The following ACOX3 variants were observed in gnomAD, a reference collection of about 807,000 sequenced individuals.
ACOX3 encodes acyl-CoA oxidase 3, pristanoyl, also known as peroxisomal acyl-coenzyme A oxidase 3.
Under a neutral mutation model 81.5 loss-of-function variants are expected in ACOX3, and 73 were observed. The observed-to-expected ratio is 0.90, with a 90% CI of 0.74 to 1.09. ACOX3 has a LOEUF of 1.09. Ranked by LOEUF, ACOX3 falls within the 50% of genes least tolerant of loss-of-function variation. The pLI is 0.00. For missense variants in ACOX3, 947 were observed against 928.0 expected, an observed-to-expected ratio of 1.02 and a Z score of -0.27; for synonymous variants, 387 against 375.1, an observed-to-expected ratio of 1.03 and a Z score of -0.37.
At chr4:8,397,279 G>A (rs1209805224) in intron 8 of ACOX3, among the ~76,000 whole-genome samples, 160 bp from the exon 9 acceptor site, 1 of 152,208 alleles carries the variant, frequency 6.6e-6, no homozygotes, top group African/African-American at 2.4e-5. Flanking sequence ...AGGACGGTGC[G>A]GCAGGCGGGT....
Position 8,386,429 on chromosome 4 carries a change from G to A in ACOX3, c.1537+2744C>T, listed in dbSNP as rs758341297. Among the ~76,000 whole-genome samples the A allele has an allele frequency of 6.6e-6, 1 of 152,032 alleles. No homozygotes were observed. Among genetic ancestry groups the A allele is most frequent in the Admixed American group, 6.6e-5 (1 of 15,260 alleles). On this transcript the variant is annotated intron_variant, in intron 13 of 17. Coordinates refer to ENST00000356406, the MANE Select transcript of ACOX3 (RefSeq NM_003501.3). This position sits in a 1 kb window ranked among gnomAD's most constrained non-coding sequence, Gnocchi z 5.2. ...AAAATACAAAAAATTAGCCGGGTGTGGTTGTGGGCTCCTGTAGTCCCAGCT... is the reference window on the plus strand; with the variant it reads ...AAAATACAAAAAATTAGCCGGGTGTAGTTGTGGGCTCCTGTAGTCCCAGCT...
intron 7 of ACOX3, among the ~76,000 whole-genome samples, chr4:8,403,598 G>C (rs548926736): frequency 6.6e-6 from 1 of 152,336 alleles, no homozygotes; most frequent in Non-Finnish European, 1.5e-5. Flanking sequence ...CAGCGTCAAA[G>C]GGCGGTCGTT....
Position 8,392,598 on chromosome 4 carries a change from G to A in ACOX3, c.1180-145C>T, listed in dbSNP as rs1040324774. The A allele has an allele frequency of 3.2e-6, 3 of 945,416 alleles. No homozygotes were observed. In the African/African-American group the frequency reaches 5.0e-5, roughly 16 times the overall value. 58.6% of individuals were successfully genotyped at this position (945,416 alleles called of 1,614,324 possible). A position where few individuals can be genotyped will look rare whatever the true frequency, so the allele number is the denominator to read the frequency against. On this transcript the variant is annotated intron_variant, in intron 10 of 17. Transcript: ENST00000356406. ...AAATGACAGAAGAGGAAACCTAATT[G>A]TAATTAGAAATAAAAAAGGGTCTTT...
the ACOX3 span, among the ~76,000 whole-genome samples, chr4:8,358,887 T>A: frequency 6.6e-6 from 1 of 152,206 alleles, no homozygotes; most frequent in Non-Finnish European, 1.5e-5. Flanking sequence ...GCCCTTTTTT[T>A]ATTCCTTTAC....
Position 8,414,798 on chromosome 4 carries a change from C to T in ACOX3, c.453+56G>A. ...TACAATCTTCTCTTTTCACAAATCT[C>T]TACAGAGATCAAGCAAGAGAACCAG... is the stretch of plus-strand genomic sequence containing the variant. On this transcript the variant is annotated intron_variant, in intron 4 of 17. Coordinates refer to ENST00000356406, the MANE Select transcript of ACOX3 (RefSeq NM_003501.3). The surrounding 1 kb of genome is among the most constrained non-coding windows in gnomAD (Gnocchi z 6.1). 2.6e-6 allele frequency: 4 copies of T among 1,551,184 alleles called. No individual in the cohort carries two copies. Among genetic ancestry groups the T allele is most frequent in the Non-Finnish European group, 3.6e-6 (4 of 1,122,774 alleles).
At position 8,416,032 on chromosome 4, in the gene ACOX3, G is replaced by A; in HGVS notation, c.145-33C>T. On this transcript the variant is annotated intron_variant, in intron 2 of 17. Coordinates refer to ENST00000356406, the MANE Select transcript of ACOX3 (RefSeq NM_003501.3). This position sits in a 1 kb window ranked among gnomAD's most constrained non-coding sequence, Gnocchi z 4.2. ...TGCAGGAGATGGGTAAGGCTTATTT[G>A]GAGTAAAAGATGGACTCTCCATGTG... The A allele has an allele frequency of 5.6e-6, 9 of 1,595,856 alleles. No individual in the cohort carries two copies. The highest frequency in any genetic ancestry group is 7.7e-6 in the Non-Finnish European group (9 of 1,164,254).
chr4:8,391,092 T>C (rs1718946258), intron 11 of ACOX3, among the ~76,000 whole-genome samples: 1 of 147,632 alleles, frequency 6.8e-6, no homozygotes. Flanking sequence ...CTTGATTCCA[T>C]CATCTTTGTT....
chr4:8,424,675 G>C (rs1330189780), intron 1 of ACOX3, among the ~76,000 whole-genome samples: 1 of 152,246 alleles, frequency 6.6e-6, no homozygotes, highest in Non-Finnish European at 1.5e-5. Flanking sequence ...TGAAGGGCCA[G>C]TGCTGCGACT....
At chr4:8,410,390 G>C in intron 5 of ACOX3, 35 bp from the exon 6 acceptor site, 2 of 1,606,262 alleles carry the variant, frequency 1.2e-6, no homozygotes, top group Non-Finnish European at 1.7e-6. Flanking sequence ...GTTATAATTA[G>C]CAACTAAAGC....
chr4:8,367,058 G>A lies in ACOX3; in HGVS notation c.2006C>T (p.Ala669Val). The A allele has an allele frequency of 6.2e-7, 1 of 1,614,054 alleles. No individual in the cohort carries two copies. Among genetic ancestry groups the A allele is most frequent in the Non-Finnish European group, 8.5e-7 (1 of 1,179,974 alleles). The stretch of plus-strand genomic sequence containing the variant: ...CAACACCTTGCTTTCCTGCAGGACA[G>A]CGCCCCAGAGGTTTTTGTAGAGCTG... ...DGELYKNLWG[A>V]VLQESKVLER... Residue 669 changes from alanine (A) to valine (V), a missense_variant, in exon 18 of 18, where the codon GCT becomes GTT. Ala to Val is a moderately conservative substitution (Grantham distance 64). Transcript: ENST00000356406.
At chr4:8,433,635 T>G (rs1016669126) in intron 1 of ACOX3, among the ~76,000 whole-genome samples, 3 of 152,252 alleles carry the variant, frequency 2.0e-5, no homozygotes, top group African/African-American at 7.2e-5. Context: ...TCATTTGCCT[T>G]TTACTTAATT....
At chr4:8,397,353 G>C (rs1205691973) in intron 8 of ACOX3, among the ~76,000 whole-genome samples, 6 of 152,230 alleles carry the variant, frequency 3.9e-5, no homozygotes. Context: ...CCAGCTGCCT[G>C]GAGAAGGTAC....
At chr4:8,395,413 TG>T (rs1016705121) in intron 9 of ACOX3, among the ~76,000 whole-genome samples, 1 of 24,250 alleles carries the variant, frequency 4.1e-5, no homozygotes, top group African/African-American at 1.7e-4. Context: ...CATGGATGGG[TG>T]GGTGGGTGGC....
In ACOX3 at chr4:8,370,854, A is replaced by T; in HGVS notation, c.1983+54T>A. The T allele has an allele frequency of 6.6e-7, 1 of 1,518,396 alleles. No individual in the cohort carries two copies. Among genetic ancestry groups the T allele is most frequent in the South Asian group, 1.1e-5 (1 of 89,146 alleles). The allele number at this position is 1,518,396 out of a possible 1,614,324, so 94.1% of individuals were successfully genotyped here. On this transcript the variant is annotated intron_variant, in intron 17 of 17. Coordinates refer to ENST00000356406, the MANE Select transcript of ACOX3 (RefSeq NM_003501.3). The surrounding 1 kb of genome is among the most constrained non-coding windows in gnomAD (Gnocchi z 6.3). ...ACCCACAGGAGCATCTCAGCTCCGC[A>T]GAAATGCCCATCAACCCTTGGGGCA...
rs975261453 is a variant in ACOX3, at chr4:8,389,048, C to T, written c.1537+125G>A. Reference sequence around the variant, plus strand: ...AGCCCAGGACAAGCTGCATGCGGGGCCTCCCACCACCACTGCTGCCCCGGC... The same window carrying T: ...AGCCCAGGACAAGCTGCATGCGGGGTCTCCCACCACCACTGCTGCCCCGGC... On this transcript the variant is annotated intron_variant, in intron 13 of 17. Coordinates refer to ENST00000356406, the MANE Select transcript of ACOX3 (RefSeq NM_003501.3). This position sits in a 1 kb window ranked among gnomAD's most constrained non-coding sequence, Gnocchi z 5.3. The T allele has an allele frequency of 5.6e-6, 4 of 714,562 alleles. No individual in the cohort carries two copies. The highest frequency in any genetic ancestry group is 5.4e-5 in the East Asian group (2 of 36,800). 44.3% of individuals were successfully genotyped at this position (714,562 alleles called of 1,614,324 possible).
intron 15 of ACOX3, 70 bp from the exon 16 acceptor site, chr4:8,373,698 T>A: frequency 6.9e-7 from 1 of 1,457,206 alleles, no homozygotes; most frequent in East Asian, 2.4e-5. Context: ...CAACATGCCC[T>A]GAGTGCACTT....
intron 8 of ACOX3, among the ~76,000 whole-genome samples, chr4:8,397,465 C>G (rs749783154): frequency 3.3e-5 from 5 of 152,212 alleles, no homozygotes; most frequent in Non-Finnish European, 5.9e-5. Context: ...CACCTTTAAC[C>G]TTGGCAAGAA....
chr4:8,412,491 A>G (rs913025893), intron 5 of ACOX3, among the ~76,000 whole-genome samples: 2 of 143,644 alleles, frequency 1.4e-5, no homozygotes, highest in Non-Finnish European at 3.0e-5. Flanking sequence ...TGGATGGATG[A>G]GAGAATGAAT....
In ACOX3 at chr4:8,414,526, G is replaced by A; in HGVS notation, c.454-145C>T. ...CATCTACCCAACTAGTGACTTGACT[G>A]AGTCATGCTGCCACACTCAGCTGGC... is the stretch of plus-strand genomic sequence containing the variant. On this transcript the variant is annotated intron_variant, in intron 4 of 17. Coordinates refer to ENST00000356406, the MANE Select transcript of ACOX3 (RefSeq NM_003501.3). The surrounding 1 kb of genome is among the most constrained non-coding windows in gnomAD (Gnocchi z 6.1). The A allele has an allele frequency of 1.3e-6, 1 of 786,138 alleles. No individual in the cohort carries two copies. Among genetic ancestry groups the A allele is most frequent in the Non-Finnish European group, 2.1e-6 (1 of 474,082 alleles). The allele number at this position is 786,138 out of a possible 1,614,324, so 48.7% of individuals were successfully genotyped here.
Sources: gnomAD v4.1 joint callset for allele counts (sites outside exome capture counted in the v4.1 genomes callset) on GRCh38, gnomAD v4.1.1 for gene constraint, Gnocchi (gnomAD v3.1) non-coding constraint, MANE v1.5 for transcripts, NCBI Gene and HGNC (gene_info 2026-07-23, HGNC 2026-07-21) for gene names.